CTBP2: variants seen among roughly 807,000 people sequenced by gnomAD.
CTBP2 encodes C-terminal-binding protein 2.
Under a neutral mutation model 80.3 loss-of-function variants are expected in CTBP2, and 30 were observed. The observed-to-expected ratio is 0.37, with a 90% CI of 0.28 to 0.51. The LOEUF is 0.51. Ranked by LOEUF, CTBP2 falls within the 20% of genes least tolerant of loss-of-function variation. The probability of loss-of-function intolerance (pLI) is 0.93; values close to 1 mark genes in which losing one functional copy is unlikely to be tolerated. For synonymous variants in CTBP2, 594 were observed against 587.4 expected (o/e 1.01, Z -0.16); for missense variants, 1,212 against 1,375.3 (o/e 0.88, Z 1.88).
At chr10:125,055,379 C>T (rs931874895) in intron 2 of CTBP2, among the ~76,000 whole-genome samples, 6 of 152,186 alleles carry the variant, frequency 3.9e-5, no homozygotes, top group Non-Finnish European at 8.8e-5. Flanking sequence ...GTGCCATGCC[C>T]TCATGTGCCC....
At chr10:125,022,844 G>A (rs938102300) in intron 1 of CTBP2, among the ~76,000 whole-genome samples, 1 of 152,240 alleles carries the variant, frequency 6.6e-6, no homozygotes, top group African/African-American at 2.4e-5. Flanking sequence ...CTCTGCCCCA[G>A]GACAGACCTC....
rs754390637 is a variant in CTBP2 at position 124,997,982 on chromosome 10, G to C, written c.2167C>G (p.Leu723Val). Residue 723 changes from leucine (L) to valine (V), a missense_variant, in exon 4 of 9, where the codon CTG becomes GTG. Physicochemically the swap from Leu to Val is conservative, Grantham distance 32 (BLOSUM62 1). Coordinates refer to ENST00000309035, the MANE Select transcript of CTBP2 (RefSeq NM_022802.3). Reference sequence around the variant, plus strand: ...CACGTACCAAAGCCAATGAGGCCCAGCGTCTCCCCACGGATGCGGGCCGCT... The same window carrying C: ...CACGTACCAAAGCCAATGAGGCCCACCGTCTCCCCACGGATGCGGGCCGCT... 5 of 1,612,584 alleles carry C rather than the reference G, an allele frequency of 3.1e-6. No homozygotes were observed. The highest frequency in any genetic ancestry group is 4.2e-6 in the Non-Finnish European group (5 of 1,179,858).
At chr10:125,124,648 C>T (rs1370578969) in intron 1 of CTBP2, among the ~76,000 whole-genome samples, 6 of 152,152 alleles carry the variant, frequency 3.9e-5, no homozygotes, top group Non-Finnish European at 8.8e-5. Flanking sequence ...CACACACAAA[C>T]CAGTGACTCT....
In CTBP2 at chr10:125,027,669, A is replaced by G. The variant is rs1469366009; in HGVS notation, c.91T>C (p.Ser31Pro). Residue 31 changes from serine (S) to proline (P), a missense_variant, in exon 1 of 9, where the codon TCC becomes CCC. Around this residue, in one of 3 missense-constraint regions of CTBP2, gnomAD observed 848 missense variants for 782.3 expected, o/e 1.08. Transcript: ENST00000309035. ...CTTCTCCTCCCCAGAGGCCGCAGGG[A>G]CTCGGCGTTCTCCCAGGGGCCCTCG... is the stretch of plus-strand genomic sequence containing the variant. 1.7e-5 allele frequency: 27 copies of G among 1,613,712 alleles called. No homozygotes were observed. Among genetic ancestry groups the G allele is most frequent in the Non-Finnish European group, 2.2e-5 (26 of 1,179,998 alleles).
At chr10:125,156,551 GT>G (rs1047797575) in intron 1 of CTBP2, among the ~76,000 whole-genome samples, 1 of 151,770 alleles carries the variant, frequency 6.6e-6, no homozygotes, top group Non-Finnish European at 1.5e-5. Context: ...GTCCTTTTCG[GT>G]TTTTTTTCAA....
At chr10:125,093,728 G>A (rs917778594) in intron 2 of CTBP2, among the ~76,000 whole-genome samples, 2 of 152,148 alleles carry the variant, frequency 1.3e-5, no homozygotes, top group Admixed American at 6.5e-5. Context: ...TCTACTCCTC[G>A]GAATGGTAAG....
At position 124,989,618 on chromosome 10, in the gene CTBP2, A is replaced by G; in HGVS notation, c.2858T>C (p.Val953Ala). Residue 953 changes from valine (V) to alanine (A), a missense_variant, in exon 9 of 9, where the codon GTG (valine) becomes GCG (alanine). Val to Ala is a moderately conservative substitution (Grantham distance 64). Around this residue, in one of 3 missense-constraint regions of CTBP2, gnomAD observed 335 missense variants for 504.7 expected, o/e 0.66. Coordinates refer to ENST00000309035, the MANE Select transcript of CTBP2 (RefSeq NM_022802.3). ...TGCCACTGTCGGGAGGTTGTGAGTC[A>G]CTGGGATGCCTCCAGGGATGATCCC... 1 of 1,612,546 alleles carries G rather than the reference A, an allele frequency of 6.2e-7. No individual in the cohort carries two copies. The highest frequency in any genetic ancestry group is 8.5e-7 in the Non-Finnish European group (1 of 1,179,400).
intron 1 of CTBP2, chr10:125,137,983 G>A (rs1857216276): frequency 6.6e-6 from 1 of 152,246 alleles, no homozygotes; most frequent in African/African-American, 2.4e-5. Flanking sequence ...CTCATAGCCA[G>A]CCACGCTCCT....
rs116278490 is a variant in CTBP2 at position 125,115,291 on chromosome 10, T to C, written c.-205-4198A>G. ...GAACGGAGCACCACTGTGCGCTGTG[T>C]TCCTCACACTCCAGGAAGCACCGTT... On this transcript the variant is annotated intron_variant, in intron 1 of 10. Coordinates refer to the CTBP2 transcript ENST00000337195. 6.8e-3 allele frequency among the ~76,000 whole-genome samples: 1,031 copies of C among 152,310 alleles called. 7 individuals are homozygous for C. The highest frequency in any genetic ancestry group is 0.023 in the African/African-American group (961 of 41,560).
chr10:125,007,278 G>T (rs3781433), intron 1 of CTBP2, among the ~76,000 whole-genome samples: 1 of 152,212 alleles, frequency 6.6e-6, no homozygotes, highest in African/African-American at 2.4e-5. Context: ...TCAGGCTTGC[G>T]TGTGCACCAG....
At position 125,114,152 on chromosome 10, in the gene CTBP2, G is replaced by C. The variant is rs1267657797; in HGVS notation, c.-205-3059C>G. On this transcript the variant is annotated intron_variant, in intron 1 of 10. Coordinates refer to the CTBP2 transcript ENST00000337195. The stretch of plus-strand genomic sequence containing the variant: ...TACAACGAGACGCAGAAATGACTTA[G>C]CTGATTAAAATCACCACTACTTCTG... Among the ~76,000 whole-genome samples the C allele has an allele frequency of 2.6e-5, 4 of 152,288 alleles. No individual in the cohort carries two copies. In the East Asian group the frequency reaches 7.7e-4, roughly 29 times the overall value.
intron 2 of CTBP2, among the ~76,000 whole-genome samples, chr10:125,096,072 ATACT>A (rs1849502546): frequency 6.6e-6 from 1 of 152,310 alleles, no homozygotes; most frequent in South Asian, 2.1e-4. Context: ...CCACTCCTTA[ATACT>A]TAGGGGGTTA....
chr10:125,014,750 T>C (rs567041110), intron 1 of CTBP2, among the ~76,000 whole-genome samples: 1 of 152,336 alleles, frequency 6.6e-6, no homozygotes, highest in Admixed American at 6.5e-5. Context: ...AGAATGAGTT[T>C]GGGGAGCTGA....
At chr10:124,994,096 A>ATG (rs1014541366) in intron 5 of CTBP2, 111 bp from the exon 8 acceptor site, 1 of 1,435,092 alleles carries the variant, frequency 7.0e-7, no homozygotes, top group Non-Finnish European at 9.5e-7. Context: ...TGGTGGTTTA[A>ATG]TGTGTGTGCT....
At chr10:125,080,709 T>C (rs1482077523) in intron 2 of CTBP2, among the ~76,000 whole-genome samples, 1 of 152,184 alleles carries the variant, frequency 6.6e-6, no homozygotes, top group East Asian at 1.9e-4. Flanking sequence ...GAGGGAACCT[T>C]AGCCATGGCC....
rs968161200 is a variant in CTBP2, at chr10:125,113,983, A to G, written c.-205-2890T>C. Among the ~76,000 whole-genome samples the G allele has an allele frequency of 3.3e-5, 5 of 152,358 alleles. No individual in the cohort carries two copies. The East Asian group carries it at 9.6e-4, about 29-fold the overall frequency. ...TTGAAGGTCAAAAGAAGTACTTTAA[A>G]AAGACTGGAGCTACAGAAAAGCTAA... On this transcript the variant is annotated intron_variant, in intron 1 of 10. Transcript: ENST00000337195.
intron 1 of CTBP2, among the ~76,000 whole-genome samples, chr10:125,153,930 T>C (rs1388702806): frequency 6.6e-6 from 1 of 152,192 alleles, no homozygotes; most frequent in African/African-American, 2.4e-5. Flanking sequence ...AGCCCTGAGC[T>C]TGCTTGTGCT....
chr10:125,028,711 G>A (rs1277311554), upstream of CTBP2, among the ~76,000 whole-genome samples: 1 of 152,230 alleles, frequency 6.6e-6, no homozygotes, highest in Non-Finnish European at 1.5e-5. Context: ...AGGAACAGGA[G>A]GATGGGTGAC....
intron 2 of CTBP2, among the ~76,000 whole-genome samples, chr10:125,105,800 A>G (rs1851362871): frequency 6.6e-6 from 1 of 152,234 alleles, no homozygotes; most frequent in Non-Finnish European, 1.5e-5. Flanking sequence ...CTCTGCCACT[A>G]ATCACACCCA....
Sources: allele counts gnomAD v4.1 joint callset (sites outside exome capture counted in the v4.1 genomes callset), GRCh38; gene constraint gnomAD v4.1.1; regional missense constraint gnomAD v4.1.1; transcripts MANE v1.5; gene names NCBI Gene and HGNC (gene_info 2026-07-23, HGNC 2026-07-21).